PINX1: variants seen among roughly 807,000 people sequenced by gnomAD.
PINX1 encodes the protein PIN2/TERF1-interacting telomerase inhibitor 1.
A neutral mutation model predicts 25.4 loss-of-function variants in PINX1; 34 were observed. The observed-to-expected ratio is 1.34, with a 90% CI of 1.02 to 1.78. The LOEUF (loss-of-function observed/expected upper bound fraction) is 1.78. Ranked by LOEUF, PINX1 falls within the 40% of genes most tolerant of loss-of-function variation. The probability of loss-of-function intolerance (pLI) is 0.00; values close to 1 mark genes in which losing one functional copy is unlikely to be tolerated. For synonymous variants in PINX1, 197 were observed against 147.7 expected (o/e 1.33, Z -2.42); for missense variants, 592 against 404.9 (o/e 1.46, Z -3.97).
chr8:10,773,728 G>C (rs187067586), intron 6 of PINX1, among the ~76,000 whole-genome samples: 47 of 152,292 alleles, frequency 3.1e-4, no homozygotes, highest in Non-Finnish European at 4.4e-5. Flanking sequence ...ACATAAACAT[G>C]TTTTAAAAGG....
At chr8:10,775,104 T>C (rs977378885) in intron 6 of PINX1, among the ~76,000 whole-genome samples, 18 of 152,298 alleles carry the variant, frequency 1.2e-4, no homozygotes, top group Non-Finnish European at 1.8e-4. Flanking sequence ...AAGGAGCTCA[T>C]AAAAAATAAA....
At position 10,825,912 on chromosome 8, in the gene PINX1, G is replaced by A. The variant is rs377237012; in HGVS notation, c.394+240C>T. On this transcript the variant is annotated intron_variant, in intron 5 of 6. Transcript: ENST00000314787. ...GATTCCATTTTTTAGCTCAGCCACA[G>A]GACTTGTTTACAGTCTAAAACCTAA... Among the ~76,000 whole-genome samples, 253 of 152,334 alleles carry A rather than the reference G, an allele frequency of 1.7e-3. 6 individuals are homozygous for A. The South Asian group carries it at 0.05, about 30-fold the overall frequency.
intron 6 of PINX1, among the ~76,000 whole-genome samples, chr8:10,813,819 G>A (rs1051202782): frequency 6.6e-6 from 1 of 151,782 alleles, no homozygotes; most frequent in Non-Finnish European, 1.5e-5. Flanking sequence ...CTCTGGTTTC[G>A]GAGTATTTTC....
At chr8:10,826,277 C>T (rs1380336430) in intron 4 of PINX1, 33 bp from the exon 5 acceptor site, 12 of 1,166,488 alleles carry the variant, frequency 1.0e-5, no homozygotes, top group Non-Finnish European at 1.4e-5. Context: ...ACATTAAAGT[C>T]TTTCTAATCC....
In PINX1 at chr8:10,800,690, G is replaced by C. The variant is rs1385517804; in HGVS notation, c.471+19503C>G. 2.6e-5 allele frequency among the ~76,000 whole-genome samples: 4 copies of C among 152,104 alleles called. No homozygotes were observed. In the East Asian group the frequency reaches 5.8e-4, roughly 22 times the overall value. ...TCACCACATTGGCCAGGCTGGTCTT[G>C]AACTCCTGACCTCAAGTGATCTGCC... On this transcript the variant is annotated intron_variant, in intron 6 of 6. Coordinates refer to ENST00000314787, the MANE Select transcript of PINX1 (RefSeq NM_017884.6).
At chr8:10,814,429 C>T (rs150747726) in intron 6 of PINX1, among the ~76,000 whole-genome samples, 8 of 152,276 alleles carry the variant, frequency 5.3e-5, no homozygotes, top group Non-Finnish European at 1.2e-4. Context: ...GTCCTTCAAG[C>T]AGTAGGAATG....
intron 6 of PINX1, among the ~76,000 whole-genome samples, chr8:10,775,410 G>GGTTTTTTT (rs1563203196): frequency 9.1e-6 from 1 of 109,594 alleles, no homozygotes; most frequent in Non-Finnish European, 1.9e-5. Flanking sequence ...CTGTTTTGTG[G>GGTTTTTTT]TTTTTTTTTT....
chr8:10,820,027 C>G (rs184539364), intron 6 of PINX1, among the ~76,000 whole-genome samples, 166 bp downstream of exon 6: 1 of 152,092 alleles, frequency 6.6e-6, no homozygotes, highest in Non-Finnish European at 1.5e-5. Context: ...CATTATCTAC[C>G]CACTAATATT....
At chr8:10,834,461 G>C in intron 2 of PINX1, 1 of 690,558 alleles carries the variant, frequency 1.4e-6, no homozygotes, top group Non-Finnish European at 2.3e-6. Flanking sequence ...AAGATGCTAA[G>C]CATGGCAGCT....
At chr8:10,767,244 C>G (rs958369654) in intron 6 of PINX1, among the ~76,000 whole-genome samples, 2 of 152,110 alleles carry the variant, frequency 1.3e-5, no homozygotes, top group South Asian at 2.1e-4. Context: ...CACCTATAAA[C>G]AGACCCTGTA....
intron 6 of PINX1, among the ~76,000 whole-genome samples, chr8:10,816,554 G>T (rs572491577): frequency 2.2e-4 from 33 of 152,214 alleles, no homozygotes; most frequent in Non-Finnish European, 2.1e-4. Flanking sequence ...CTGGTCACAT[G>T]CTTGTCAACC....
At chr8:10,789,165 C>A (rs1287897720) in intron 6 of PINX1, among the ~76,000 whole-genome samples, 3 of 152,296 alleles carry the variant, frequency 2.0e-5, no homozygotes, top group African/African-American at 4.8e-5. Context: ...AGACTCCCAC[C>A]TTCTCCAAGG....
intron 6 of PINX1, among the ~76,000 whole-genome samples, chr8:10,775,734 G>A (rs1051465971): frequency 1.3e-5 from 2 of 152,178 alleles, no homozygotes; most frequent in Non-Finnish European, 2.9e-5. Flanking sequence ...AAGATTGGAA[G>A]CACAACTGAC....
intron 5 of PINX1, among the ~76,000 whole-genome samples, chr8:10,824,890 T>G (rs1015344408): frequency 2.6e-5 from 4 of 152,204 alleles, no homozygotes; most frequent in African/African-American, 9.7e-5. Context: ...GAAGTGAGCA[T>G]GTACCCTCTC....
intron 6 of PINX1, among the ~76,000 whole-genome samples, chr8:10,804,718 A>G (rs951684517): frequency 6.6e-6 from 1 of 151,698 alleles, no homozygotes; most frequent in African/African-American, 2.4e-5. Flanking sequence ...AGGATTAAAA[A>G]TACAAAATTA....
chr8:10,831,641 A>C, intron 4 of PINX1, 24 bp downstream of exon 4: 1 of 1,450,902 alleles, frequency 6.9e-7, no homozygotes, highest in Non-Finnish European at 9.6e-7. Context: ...TGCATTGAGA[A>C]CTTATGTCAT....
chr8:10,834,833 C>G (rs1000407212), intron 1 of PINX1, 58 bp from the exon 2 acceptor site: 31 of 1,148,264 alleles, frequency 2.7e-5, no homozygotes, highest in Non-Finnish European at 3.9e-5. Context: ...AAATACCACA[C>G]AAACATACAC....
intron 5 of PINX1, among the ~76,000 whole-genome samples, chr8:10,820,534 G>T (rs1426559893): frequency 6.6e-6 from 1 of 152,184 alleles, no homozygotes; most frequent in East Asian, 1.9e-4. Flanking sequence ...CATACTGACT[G>T]CAAGGAAAGC....
chr8:10,787,620 T>A (rs1801793577), intron 6 of PINX1: 1 of 324,894 alleles, frequency 3.1e-6, no homozygotes, highest in Admixed American at 4.4e-5. Context: ...CAAGAACCAT[T>A]TACCTTTTGG....
Sources: allele counts gnomAD v4.1 joint callset (sites outside exome capture counted in the v4.1 genomes callset), GRCh38; gene constraint gnomAD v4.1.1; transcripts MANE v1.5; gene names NCBI Gene and HGNC (gene_info 2026-07-23, HGNC 2026-07-21).